The following THSD7B variants were observed in gnomAD, a reference collection of about 807,000 sequenced individuals.
The protein encoded by THSD7B is thrombospondin type 1 domain containing 7B.
Under a neutral mutation model 213.6 loss-of-function variants are expected in THSD7B, and 138 were observed. The ratio of observed to expected loss-of-function variants is 0.65; its 90% CI spans 0.56 to 0.74. The LOEUF (loss-of-function observed/expected upper bound fraction) is 0.74, where lower values mean the gene tolerates loss of function less well. THSD7B is among the 30% of genes least tolerant of loss of function. The pLI is 0.00. For synonymous variants in THSD7B, 742 were observed against 687.0 expected (o/e 1.08, Z -1.25); for missense variants, 1,931 against 1,991.5 (o/e 0.97, Z 0.58).
intron 2 of THSD7B, among the ~76,000 whole-genome samples, chr2:136,899,764 A>ACAT (rs1190467767): frequency 6.6e-6 from 1 of 152,216 alleles, no homozygotes; most frequent in Non-Finnish European, 1.5e-5. Context: ...ATACTTATGT[A>ACAT]GAGTATTGAG....
chr2:137,180,994 A>G (rs1305298806), intron 7 of THSD7B, among the ~76,000 whole-genome samples: 1 of 152,176 alleles, frequency 6.6e-6, no homozygotes, highest in Non-Finnish European at 1.5e-5. Flanking sequence ...AGCTAAGAGC[A>G]AGAGAGATCA....
chr2:137,529,015 A>G (rs1199126929), intron 15 of THSD7B, among the ~76,000 whole-genome samples: 1 of 152,086 alleles, frequency 6.6e-6, no homozygotes, highest in African/African-American at 2.4e-5. Context: ...AATTATTTTC[A>G]CTTGAAAAAT....
At chr2:137,628,093 C>G (rs1012913893) in intron 20 of THSD7B, among the ~76,000 whole-genome samples, 1 of 152,136 alleles carries the variant, frequency 6.6e-6, no homozygotes, top group South Asian at 2.1e-4. Flanking sequence ...TTGAAGACAC[C>G]TGGCATAGTA....
intron 10 of THSD7B, among the ~76,000 whole-genome samples, chr2:137,257,257 A>G (rs1396435686): frequency 2.0e-5 from 3 of 152,186 alleles, no homozygotes; most frequent in South Asian, 2.1e-4. Context: ...GTTTAATAGC[A>G]TGTCTTCATG....
chr2:137,624,139 A>G lies in THSD7B; in HGVS notation c.3799+3413A>G, dbSNP rs1682576397. Among the ~76,000 whole-genome samples, 4 of 152,326 alleles carry G rather than the reference A, an allele frequency of 2.6e-5. No homozygotes were observed. The South Asian group carries it at 8.3e-4, about 32-fold the overall frequency. On this transcript the variant is annotated intron_variant, in intron 20 of 27. Coordinates refer to ENST00000409968, the MANE Select transcript of THSD7B (RefSeq NM_001316349.2). ...TGGTACCAAAACAGAGATATAGACC[A>G]ATGGAACACAACAGAGCCCTCAGAA...
In THSD7B at chr2:137,663,444, AT is replaced by A; in HGVS notation, c.4522del (p.Tyr1508ThrfsTer3). ...TEIMKSNGFL[D>X]YCMKVPGSED... Reference sequence around the variant, plus strand: ...ATAATGAAATCAAATGGTTTCCTGGATTACTGCATGAAAGTACCAGGCTCAG... The same window carrying A: ...ATAATGAAATCAAATGGTTTCCTGGATACTGCATGAAAGTACCAGGCTCAG... On this transcript the variant is annotated frameshift_variant, in exon 26 of 28. Coordinates refer to ENST00000409968, the MANE Select transcript of THSD7B (RefSeq NM_001316349.2). LOFTEE classifies it high-confidence loss of function. 1 of 1,595,578 alleles carries A rather than the reference AT, an allele frequency of 6.3e-7. No individual in the cohort carries two copies. Among genetic ancestry groups the A allele is most frequent in the Non-Finnish European group, 8.5e-7 (1 of 1,169,978 alleles).
chr2:137,242,669 T>G, intron 10 of THSD7B, 97 bp downstream of exon 10: 3 of 824,092 alleles, frequency 3.6e-6, no homozygotes, highest in Non-Finnish European at 5.7e-6. Flanking sequence ...GCACCTTTTT[T>G]TTTTTTCATT....
chr2:137,188,142 G>A (rs1433722970), intron 7 of THSD7B, among the ~76,000 whole-genome samples: 1 of 152,168 alleles, frequency 6.6e-6, no homozygotes, highest in Non-Finnish European at 1.5e-5. Context: ...GAATCAAGAT[G>A]TAAGAGCTAA....
At chr2:136,862,509 A>G (rs1158678632) in intron 1 of THSD7B, among the ~76,000 whole-genome samples, 3 of 152,310 alleles carry the variant, frequency 2.0e-5, no homozygotes, top group Non-Finnish European at 2.9e-5. Flanking sequence ...AGGTATGAGT[A>G]TGAAAAAAAT....
At chr2:137,190,144 G>A (rs1188311613) in intron 7 of THSD7B, among the ~76,000 whole-genome samples, 1 of 152,174 alleles carries the variant, frequency 6.6e-6, no homozygotes, top group East Asian at 1.9e-4. Flanking sequence ...TCCGCTGGAT[G>A]TGACTAACTA....
intron 7 of THSD7B, among the ~76,000 whole-genome samples, chr2:137,193,297 T>C (rs1280572335): frequency 3.3e-5 from 5 of 152,376 alleles, no homozygotes; most frequent in African/African-American, 1.2e-4. Context: ...TTCATTTTTA[T>C]GATAAATTGA....
chr2:137,668,446 C>CAAAA (rs10668254), intron 27 of THSD7B, among the ~76,000 whole-genome samples: 7 of 141,830 alleles, frequency 4.9e-5, no homozygotes, highest in African/African-American at 1.3e-4. Flanking sequence ...TGGTCATTTG[C>CAAAA]AAAAAAAAAA....
intron 12 of THSD7B, among the ~76,000 whole-genome samples, chr2:137,362,272 C>G (rs1032922672): frequency 1.8e-4 from 28 of 152,134 alleles, no homozygotes; most frequent in African/African-American, 6.8e-4. Context: ...CCAGCCACTG[C>G]AAAAACATGC....
intron 15 of THSD7B, among the ~76,000 whole-genome samples, chr2:137,530,210 A>G (rs1680370708): frequency 6.6e-6 from 1 of 152,042 alleles, no homozygotes; most frequent in African/African-American, 2.4e-5. Flanking sequence ...TAGGGATCCA[A>G]CATGAGTAAA....
At chr2:136,887,976 A>G (rs1016265075) in intron 2 of THSD7B, among the ~76,000 whole-genome samples, 2 of 152,142 alleles carry the variant, frequency 1.3e-5, no homozygotes, top group Non-Finnish European at 2.9e-5. Context: ...TACCTAATAT[A>G]TAGTGGCTAT....
chr2:137,372,351 T>TA (rs1553444113), intron 12 of THSD7B, among the ~76,000 whole-genome samples: 82 of 130,864 alleles, frequency 6.3e-4, no homozygotes, highest in African/African-American at 2.4e-3. Context: ...TTTTTTTTTT[T>TA]AATATTTAAA....
rs150010619 is a variant in THSD7B, at chr2:136,775,801, A to C, written c.-36+10114A>C. On this transcript the variant is annotated intron_variant, in intron 1 of 27. Transcript: ENST00000409968. ...TTAAGTATCCCATTAAGTGCATAGAATATGCTGCATTGCTAGTTTAACTAT... is the reference window on the plus strand; with the variant it reads ...TTAAGTATCCCATTAAGTGCATAGACTATGCTGCATTGCTAGTTTAACTAT... Among the ~76,000 whole-genome samples the C allele has an allele frequency of 1.7e-3, 257 of 152,260 alleles. 2 individuals are homozygous for C. The highest frequency in any genetic ancestry group is 0.014 in the Middle Eastern group (4 of 294).
intron 12 of THSD7B, among the ~76,000 whole-genome samples, chr2:137,309,014 A>T (rs1210010332): frequency 6.6e-6 from 1 of 152,130 alleles, no homozygotes; most frequent in Non-Finnish European, 1.5e-5. Context: ...TACTTCTATA[A>T]GTGGAATTTG....
intron 7 of THSD7B, among the ~76,000 whole-genome samples, chr2:137,214,356 A>G (rs565400559): frequency 6.6e-6 from 1 of 152,132 alleles, no homozygotes; most frequent in Non-Finnish European, 1.5e-5. Context: ...TAACTCTAAT[A>G]AGCATCTCTA....
Sources: gnomAD v4.1 joint callset for allele counts (sites outside exome capture counted in the v4.1 genomes callset) on GRCh38, gnomAD v4.1.1 for gene constraint, MANE v1.5 for transcripts, NCBI Gene and HGNC (gene_info 2026-07-23, HGNC 2026-07-21) for gene names.